TMX3: variants seen among roughly 807,000 people sequenced by gnomAD.
TMX3 encodes the protein protein disulfide-isomerase TMX3.
A neutral mutation model predicts 64.4 loss-of-function variants in TMX3; 40 were observed. That is an observed-to-expected ratio of 0.62 (90% confidence interval 0.48 to 0.81). The LOEUF is 0.81. Among genes scored for constraint, TMX3 ranks in the 30% least tolerant of loss-of-function variants. The probability of loss-of-function intolerance (pLI) is 0.00; values close to 1 mark genes in which losing one functional copy is unlikely to be tolerated. For synonymous variants in TMX3, 189 were observed against 175.7 expected (o/e 1.08, Z -0.60); for missense variants, 497 against 534.5 (o/e 0.93, Z 0.69).
In TMX3 at chr18:68,711,520, A is replaced by T. The variant is rs967984629; in HGVS notation, c.102-117T>A. 5.1e-6 allele frequency: 3 copies of T among 593,786 alleles called. No homozygotes were observed. In the African/African-American group the frequency reaches 5.8e-5, roughly 11 times the overall value. The allele number at this position is 593,786 out of a possible 1,614,324, so 36.8% of individuals were successfully genotyped here. ...AGGGAAAGACCCAAATTCCTTCAAT[A>T]ATACTTTACATAAAATTTTTACTCA... On this transcript the variant is annotated intron_variant, in intron 2 of 15. Coordinates refer to ENST00000299608, the MANE Select transcript of TMX3 (RefSeq NM_019022.5).
chr18:68,700,910 T>C (rs2029995018), intron 5 of TMX3: 1 of 984,896 alleles, frequency 1.0e-6, no homozygotes, highest in South Asian at 4.7e-5. Context: ...AGTTACTTGA[T>C]GCTCCAACAT....
intron 9 of TMX3, among the ~76,000 whole-genome samples, chr18:68,690,555 A>G (rs1029745443): frequency 6.6e-6 from 1 of 152,216 alleles, no homozygotes; most frequent in Admixed American, 6.5e-5. Flanking sequence ...AATACCAAGG[A>G]ATGATGTCAG....
At position 68,711,417 on chromosome 18, in the gene TMX3, A is replaced by G. The variant is rs1407612852; in HGVS notation, c.102-14T>C. On this transcript the variant is annotated splice_polypyrimidine_tract_variant and intron_variant, in intron 2 of 15. Coordinates refer to ENST00000299608, the MANE Select transcript of TMX3 (RefSeq NM_019022.5). ...TTTTCTTTAAACCTAAAAAACAAGA[A>G]AACAAATGTTTGATTGTATGTTTGT... 2.5e-6 allele frequency: 4 copies of G among 1,571,850 alleles called. No homozygotes were observed. Among genetic ancestry groups the G allele is most frequent in the Non-Finnish European group, 3.5e-6 (4 of 1,149,774 alleles).
At chr18:68,714,824 G>A in intron 1 of TMX3, 112 bp downstream of exon 1, 6 of 1,386,568 alleles carry the variant, frequency 4.3e-6, no homozygotes, top group East Asian at 2.7e-5. Flanking sequence ...GAATGGGTGG[G>A]CATCTCCACG....
chr18:68,700,464 A>C lies in TMX3; in HGVS notation c.333T>G (p.Tyr111Ter), dbSNP rs1472810425. ...TIKLLKGDLA[Y>*]NYRGPRTKDD... The stretch of plus-strand genomic sequence containing the variant: ...CTTTTGTTCGTGGTCCTCTATAATT[A>C]TATGCCAAGTCCCCTTTTAATCTTT... The change falls in exon 6 of 16, where the codon TAT becomes TAG. Residue 111 changes from tyrosine to a stop codon, truncating the protein, a stop_gained. Transcript: ENST00000299608. LOFTEE classifies it high-confidence loss of function. The C allele has an allele frequency of 6.4e-7, 1 of 1,570,286 alleles. No individual in the cohort carries two copies. Among genetic ancestry groups the C allele is most frequent in the South Asian group, 1.2e-5 (1 of 81,078 alleles).
chr18:68,688,587 T>C (rs1002582785), intron 9 of TMX3: 1 of 152,226 alleles, frequency 6.6e-6, no homozygotes, highest in East Asian at 1.9e-4. Flanking sequence ...TTCAAAGGTA[T>C]GCTTTTTCTT....
At chr18:68,694,837 G>A (rs921634195) in intron 8 of TMX3, among the ~76,000 whole-genome samples, 17 of 152,110 alleles carry the variant, frequency 1.1e-4, no homozygotes, top group African/African-American at 4.1e-4. Context: ...ATTGCAGGAA[G>A]CATTAAACAC....
At chr18:68,697,892 T>C (rs433550) in intron 7 of TMX3, 40 bp downstream of exon 7, 1 of 1,305,916 alleles carries the variant, frequency 7.7e-7, no homozygotes, top group Non-Finnish European at 1.1e-6. Flanking sequence ...TAAATTAAAT[T>C]ACAATACATC....
chr18:68,713,840 A>G lies in TMX3; in HGVS notation c.101+6T>C. 1 of 1,454,366 alleles carries G rather than the reference A, an allele frequency of 6.9e-7. No individual in the cohort carries two copies. The highest frequency in any genetic ancestry group is 2.3e-5 in the East Asian group (1 of 43,168). 90.1% of individuals were successfully genotyped at this position (1,454,366 alleles called of 1,614,324 possible). ...TAATATTTTAAATATATATATGTAT[A>G]CTCACGATTCATCTAAATCTTCTAC... On this transcript the variant is annotated splice_donor_region_variant and intron_variant, in intron 2 of 15. Coordinates refer to ENST00000299608, the MANE Select transcript of TMX3 (RefSeq NM_019022.5).
intron 1 of TMX3, 57 bp from the exon 2 acceptor site, chr18:68,713,957 A>G (rs2031603362): frequency 7.9e-7 from 1 of 1,268,508 alleles, no homozygotes; most frequent in South Asian, 1.4e-5. Flanking sequence ...CTCATACCGT[A>G]TAAGCTTAGT....
intron 4 of TMX3, among the ~76,000 whole-genome samples, chr18:68,705,952 G>A (rs768182033): frequency 6.6e-6 from 1 of 152,172 alleles, no homozygotes; most frequent in Non-Finnish European, 1.5e-5. Context: ...AAGACTCCTA[G>A]AAATGTATAT....
At chr18:68,701,073 A>C in intron 5 of TMX3, 1 of 933,928 alleles carries the variant, frequency 1.1e-6, no homozygotes, top group African/African-American at 1.8e-5. Flanking sequence ...ATTAAACAGA[A>C]GGAAACGAAA....
rs35563490 is a variant in TMX3, at chr18:68,696,877, A to AACACACACAC, written c.570+339_570+348dup. On this transcript the variant is annotated intron_variant, in intron 8 of 15. Coordinates refer to ENST00000299608, the MANE Select transcript of TMX3 (RefSeq NM_019022.5). Reference sequence around the variant, plus strand: ...AGGACCCAAAAAAGACTGTATCTGCAACACACACACACACACACACACATA... The same window carrying AACACACACAC: ...AGGACCCAAAAAAGACTGTATCTGCAACACACACACACACACACACACACACACACACATA... The AACACACACAC allele has an allele frequency of 3.0e-4, 50 of 168,116 alleles. No individual in the cohort carries two copies. The Middle Eastern group carries it at 8.5e-3, about 28-fold the overall frequency. 10.4% of individuals were successfully genotyped at this position (168,116 alleles called of 1,614,324 possible).
intron 8 of TMX3, among the ~76,000 whole-genome samples, chr18:68,693,137 G>A (rs2145058933): frequency 6.6e-6 from 1 of 152,306 alleles, no homozygotes; most frequent in East Asian, 1.9e-4. Flanking sequence ...AAACCTTTTG[G>A]GAATGCTGTC....
Position 68,701,804 on chromosome 18 carries a change from A to G in TMX3, c.266-14T>C. Reference sequence around the variant, plus strand: ...CTGAAGCAATGCCTTGATAAGAAAAAGAATAAAGCATTCTAAATTTTTTTT... The same window carrying G: ...CTGAAGCAATGCCTTGATAAGAAAAGGAATAAAGCATTCTAAATTTTTTTT... On this transcript the variant is annotated splice_polypyrimidine_tract_variant and intron_variant, in intron 4 of 15. Coordinates refer to ENST00000299608, the MANE Select transcript of TMX3 (RefSeq NM_019022.5). 2 of 1,603,996 alleles carry G rather than the reference A, an allele frequency of 1.2e-6. No homozygotes were observed. Among genetic ancestry groups the G allele is most frequent in the Non-Finnish European group, 1.7e-6 (2 of 1,176,882 alleles).
At chr18:68,685,108 G>A (rs552272740) in intron 10 of TMX3, among the ~76,000 whole-genome samples, 9 of 152,236 alleles carry the variant, frequency 5.9e-5, no homozygotes, top group East Asian at 3.9e-4. Context: ...GAATCAGAAC[G>A]CCAAACACTG....
At position 68,677,122 on chromosome 18, in the gene TMX3, C is replaced by T. The variant is rs1218309292; in HGVS notation, c.1176G>A (p.Met392Ile). ...FGLPLGVISIMCYGIYTADTD... is the reference protein window; with the variant it reads ...FGLPLGVISIICYGIYTADTD... ...TGTCGGCTGTGTAGATTCCATAGCA[C>T]ATGATACTGATGACACCCAGTGGCA... Residue 392 changes from methionine (M) to isoleucine (I), a missense_variant, in exon 16 of 16, where the codon ATG becomes ATA. Around this residue, in one of 3 missense-constraint regions of TMX3, gnomAD observed 94 missense variants for 75.8 expected, o/e 1.24. Transcript: ENST00000299608. 1 of 1,613,574 alleles carries T rather than the reference C, an allele frequency of 6.2e-7. No individual in the cohort carries two copies. Among genetic ancestry groups the T allele is most frequent in the Non-Finnish European group, 8.5e-7 (1 of 1,179,756 alleles).
intron 8 of TMX3, among the ~76,000 whole-genome samples, chr18:68,693,252 C>T (rs1234290390): frequency 2.0e-5 from 3 of 152,146 alleles, no homozygotes; most frequent in Non-Finnish European, 4.4e-5. Flanking sequence ...GCAGGGGAGG[C>T]GCAGCAGGGA....
At chr18:68,714,821 T>G (rs1021906712) in intron 1 of TMX3, 115 bp downstream of exon 1, 2 of 1,369,338 alleles carry the variant, frequency 1.5e-6, no homozygotes, top group Non-Finnish European at 9.8e-7. Flanking sequence ...CGGGAATGGG[T>G]GGGCATCTCC....
Sources: allele counts gnomAD v4.1 joint callset (sites outside exome capture counted in the v4.1 genomes callset), GRCh38; gene constraint gnomAD v4.1.1; regional missense constraint gnomAD v4.1.1; transcripts MANE v1.5; gene names NCBI Gene and HGNC (gene_info 2026-07-23, HGNC 2026-07-21).